Variants in ARL17A observed in about 807,000 individuals in gnomAD.
ARL17A encodes the protein ARF like GTPase 17A.
rs1392369832 is a variant in ARL17A, at chr17:46,541,698, AAAC to A, written c.260-3275_260-3273del. Among the ~76,000 whole-genome samples the A allele has an allele frequency of 9.3e-5, 14 of 150,966 alleles. 2 individuals carry two copies. Among genetic ancestry groups the A allele is most frequent in the African/African-American group, 3.5e-4 (14 of 40,328 alleles). ...ATATTTGGAAAAAATAAAATATATA[AAAC>A]AACAATACAACAATAAAAGCAGTAG... On this transcript the variant is annotated intron_variant, in intron 3 of 4. Coordinates refer to the ARL17A transcript ENST00000329240.
At chr17:46,516,163 C>T (rs62073304), downstream of ARL17A, among the ~76,000 whole-genome samples, 5,678 of 130,548 alleles carry the variant, frequency 0.043, no homozygotes, top group Non-Finnish European at 0.072. Context: ...ATTAGCCAGG[C>T]ATGGTGGTGG....
chr17:46,534,075 A>G (rs1598403050), intron 4 of ARL17A, among the ~76,000 whole-genome samples: 1 of 135,752 alleles, frequency 7.4e-6, no homozygotes, highest in South Asian at 2.3e-4. Context: ...GCAGTGGTGC[A>G]ACCACTCACA....
intron 3 of ARL17A, among the ~76,000 whole-genome samples, chr17:46,539,846 T>TA (rs200778174): frequency 0.018 from 2,601 of 143,942 alleles, 151 homozygotes; most frequent in African/African-American, 0.067. Flanking sequence ...ATGCTAGAAA[T>TA]ACTGTTTCCT....
At chr17:46,502,563 A>G in the ARL17A span, among the ~76,000 whole-genome samples, 2 of 151,100 alleles carry the variant, frequency 1.3e-5, no homozygotes, top group African/African-American at 4.9e-5. Context: ...CAGCCTCCCA[A>G]AGTGCTGGGA....
downstream of ARL17A, chr17:46,549,265 T>A (rs745393732): frequency 9.9e-6 from 16 of 1,611,312 alleles, no homozygotes; most frequent in Non-Finnish European, 5.1e-6. Context: ...TCTGGAAGTA[T>A]CTGCTCCTTC....
the ARL17A span, among the ~76,000 whole-genome samples, chr17:46,501,739 A>G: frequency 6.6e-6 from 1 of 151,166 alleles, no homozygotes; most frequent in African/African-American, 2.5e-5. Context: ...TCACCTTTCC[A>G]TTTTCAAGGA....
chr17:46,558,836 CTTTTTTTTTTTTTT>C (rs765462293), intron 3 of ARL17A: 1 of 71,838 alleles, frequency 1.4e-5, no homozygotes, highest in Admixed American at 1.5e-4. Context: ...CTCTTTTATT[CTTTTTTTTTTTTTT>C]TTTTTTTTTT....
intron 3 of ARL17A, among the ~76,000 whole-genome samples, chr17:46,542,267 T>C (rs1257618759): frequency 6.8e-6 from 1 of 146,882 alleles, no homozygotes; most frequent in Non-Finnish European, 1.5e-5. Context: ...TGTTGTCTAA[T>C]CCAGCGTCTA....
intron 4 of ARL17A, among the ~76,000 whole-genome samples, chr17:46,532,728 TTTTA>T (rs1313592845): frequency 6.8e-6 from 1 of 146,282 alleles, no homozygotes; most frequent in African/African-American, 2.7e-5. Flanking sequence ...GTATAATCCT[TTTTA>T]TTCATATTAT....
the ARL17A span, among the ~76,000 whole-genome samples, chr17:46,503,327 T>G: frequency 6.7e-6 from 1 of 149,824 alleles, no homozygotes; most frequent in East Asian, 2.0e-4. Flanking sequence ...ATTCACTCAA[T>G]CAACAGACCA....
intron 4 of ARL17A, among the ~76,000 whole-genome samples, chr17:46,530,440 C>T (rs2053523299): frequency 7.0e-6 from 1 of 143,474 alleles, no homozygotes; most frequent in Admixed American, 7.1e-5. Flanking sequence ...CACTGAAAAA[C>T]CATCTGGAAT....
chr17:46,528,707 AGAGT>A (rs747600082), downstream of ARL17A: 3,483 of 649,712 alleles, frequency 5.4e-3, no homozygotes, highest in Middle Eastern at 0.021. Context: ...CCTGGGCAAC[AGAGT>A]GAGACTTCAT....
chr17:46,532,820 T>G lies in ARL17A; in HGVS notation c.336-3961A>C, dbSNP rs1323569481. ...TTTAATAATTTGGTCTTCTGTATTTTTGCAGTGCAGTGGCTCACACCTGTC... is the reference window on the plus strand; with the variant it reads ...TTTAATAATTTGGTCTTCTGTATTTGTGCAGTGCAGTGGCTCACACCTGTC... On this transcript the variant is annotated intron_variant, in intron 4 of 4. Coordinates refer to the ARL17A transcript ENST00000329240. Among the ~76,000 whole-genome samples the G allele has an allele frequency of 6.5e-4, 98 of 149,720 alleles. 7 individuals are homozygous for G. The highest frequency in any genetic ancestry group is 2.2e-3 in the African/African-American group (87 of 39,514).
intron 3 of ARL17A, among the ~76,000 whole-genome samples, chr17:46,541,938 G>A (rs1332671119): frequency 1.4e-4 from 20 of 143,854 alleles, no homozygotes; most frequent in Admixed American, 1.2e-3. Context: ...GTAGTATTCC[G>A]GTTGTGTGGA....
At chr17:46,549,198 C>T, downstream of ARL17A, 16 of 1,611,268 alleles carry the variant, frequency 9.9e-6, no homozygotes, top group Non-Finnish European at 1.4e-5. Context: ...TCATAAATTC[C>T]CCTTCACAAG....
intron 3 of ARL17A, among the ~76,000 whole-genome samples, chr17:46,539,546 T>A (rs374638295): frequency 0.48 from 64,358 of 135,094 alleles, 16,538 homozygotes; most frequent in South Asian, 0.68. Flanking sequence ...GTAGATCACC[T>A]GAGGTCAAGA....
chr17:46,543,772 T>C (rs1233764044), intron 3 of ARL17A, among the ~76,000 whole-genome samples: 1 of 150,896 alleles, frequency 6.6e-6, no homozygotes, highest in Non-Finnish European at 1.5e-5. Context: ...TTCCCAGCCA[T>C]CCTAAGGCTT....
At position 46,541,309 on chromosome 17, in the gene ARL17A, C is replaced by T. The variant is rs539435408; in HGVS notation, c.260-2883G>A. Among the ~76,000 whole-genome samples, 24 of 150,010 alleles carry T rather than the reference C, an allele frequency of 1.6e-4. 1 individual carries two copies. Among genetic ancestry groups the T allele is most frequent in the South Asian group, 8.3e-4 (4 of 4,798 alleles). On this transcript the variant is annotated intron_variant, in intron 3 of 4. Transcript: ENST00000329240. ...CTCTGTCGCCCAGGCTGCAGTGCAGCGGCATGACCTAGGCTCACTGCAACC... is the reference window on the plus strand; with the variant it reads ...CTCTGTCGCCCAGGCTGCAGTGCAGTGGCATGACCTAGGCTCACTGCAACC...
intron 4 of ARL17A, among the ~76,000 whole-genome samples, chr17:46,534,746 G>A (rs1447047991): frequency 2.7e-4 from 41 of 149,348 alleles, no homozygotes; most frequent in Non-Finnish European, 4.9e-4. Flanking sequence ...CGGGCAGAGG[G>A]GCTCCTCACT....
Sources: allele counts gnomAD v4.1 joint callset (sites outside exome capture counted in the v4.1 genomes callset), GRCh38; gene constraint gnomAD v4.1.1; transcripts MANE v1.5; gene names NCBI Gene and HGNC (gene_info 2026-07-23, HGNC 2026-07-21).